Variants in PANX1 observed in about 807,000 individuals in gnomAD.
PANX1 encodes pannexin 1.
In PANX1, 30 loss-of-function variants were observed where a neutral mutation model predicts 38.7. The observed-to-expected ratio is 0.78, with a 90% CI of 0.58 to 1.05. The LOEUF is 1.05. PANX1 is among the 50% of genes least tolerant of loss of function. The pLI, the probability that PANX1 is intolerant of heterozygous loss-of-function variation, is 0.00. For synonymous variants in PANX1, 230 were observed against 212.2 expected, an observed-to-expected ratio of 1.08 and a Z score of -0.73; for missense variants, 551 against 517.2, an observed-to-expected ratio of 1.07 and a Z score of -0.63.
chr11:94,163,947 G>A (rs761639788), intron 2 of PANX1, among the ~76,000 whole-genome samples: 1 of 152,004 alleles, frequency 6.6e-6, no homozygotes, highest in Non-Finnish European at 1.5e-5. Context: ...TTTCTTCATG[G>A]TCCAATCTTG....
At chr11:94,135,243 A>G (rs1271299004) in intron 1 of PANX1, among the ~76,000 whole-genome samples, 2 of 152,236 alleles carry the variant, frequency 1.3e-5, no homozygotes, top group Non-Finnish European at 2.9e-5. Flanking sequence ...CGTTCTGGGT[A>G]GAGAAGGACT....
At chr11:94,160,696 C>A (rs547776712) in intron 2 of PANX1, among the ~76,000 whole-genome samples, 3 of 152,280 alleles carry the variant, frequency 2.0e-5, no homozygotes, top group African/African-American at 7.2e-5. Flanking sequence ...CAGTCTGTGT[C>A]TTTTAATTGG....
intron 2 of PANX1, among the ~76,000 whole-genome samples, chr11:94,161,313 A>C (rs903808743): frequency 1.3e-5 from 2 of 152,230 alleles, no homozygotes; most frequent in African/African-American, 4.8e-5. Flanking sequence ...AATATCCTGC[A>C]GAGTGTTTTC....
At chr11:94,150,895 G>T (rs1389191429) in intron 1 of PANX1, among the ~76,000 whole-genome samples, 1 of 152,116 alleles carries the variant, frequency 6.6e-6, no homozygotes, top group East Asian at 1.9e-4. Flanking sequence ...CAAAGCCCTG[G>T]TCCCCAGGAG....
chr11:94,142,186 G>A (rs185930513), intron 1 of PANX1, among the ~76,000 whole-genome samples: 175 of 152,260 alleles, frequency 1.1e-3, no homozygotes, highest in Non-Finnish European at 2.1e-3. Context: ...CGGCTCTGCT[G>A]CCCTAGGATT....
At chr11:94,158,226 T>C (rs531035965) in intron 2 of PANX1, among the ~76,000 whole-genome samples, 1 of 152,270 alleles carries the variant, frequency 6.6e-6, no homozygotes, top group African/African-American at 2.4e-5. Flanking sequence ...GACTTGGCGA[T>C]GCAGGCTCTT....
At chr11:94,138,132 G>A (rs906743625) in intron 1 of PANX1, among the ~76,000 whole-genome samples, 1 of 152,042 alleles carries the variant, frequency 6.6e-6, no homozygotes, top group Non-Finnish European at 1.5e-5. Context: ...GACTGGTGTG[G>A]TTGGGTTGCC....
At chr11:94,138,276 T>C (rs1379957319) in intron 1 of PANX1, among the ~76,000 whole-genome samples, 1 of 152,234 alleles carries the variant, frequency 6.6e-6, no homozygotes, top group Non-Finnish European at 1.5e-5. Context: ...TTAAGTCGCA[T>C]TTATTCAGTT....
In PANX1 at chr11:94,145,646, C is replaced by T. The variant is rs1030343568; in HGVS notation, c.182-7845C>T. On this transcript the variant is annotated intron_variant, in intron 1 of 4. Coordinates refer to ENST00000227638, the MANE Select transcript of PANX1 (RefSeq NM_015368.4). ...TCTCCTGAGTTATTGCAATAGATTC[C>T]TGTCTGGTCTCTGCTTCTGTTCTTG... 3.3e-5 allele frequency among the ~76,000 whole-genome samples: 5 copies of T among 152,236 alleles called. No homozygotes were observed. The East Asian group carries it at 9.6e-4, about 29-fold the overall frequency.
At chr11:94,169,958 A>T (rs781389557) in intron 2 of PANX1, among the ~76,000 whole-genome samples, 2 of 151,786 alleles carry the variant, frequency 1.3e-5, no homozygotes, top group African/African-American at 4.9e-5. Flanking sequence ...ACCAGATAGG[A>T]ATATTAGTGC....
chr11:94,160,298 C>G (rs1007246286), intron 2 of PANX1, among the ~76,000 whole-genome samples: 1 of 152,080 alleles, frequency 6.6e-6, no homozygotes, highest in Non-Finnish European at 1.5e-5. Flanking sequence ...CTTTCTGTCT[C>G]GTTGCTCTGT....
intron 2 of PANX1, among the ~76,000 whole-genome samples, chr11:94,164,959 T>C (rs1340485890): frequency 1.3e-5 from 2 of 152,236 alleles, no homozygotes; most frequent in Non-Finnish European, 1.5e-5. Context: ...AGTTTCTGTA[T>C]TGAGATTTAT....
In PANX1 at chr11:94,143,898, G is replaced by A. The variant is rs550769915; in HGVS notation, c.182-9593G>A. Among the ~76,000 whole-genome samples the A allele has an allele frequency of 1.1e-4, 17 of 152,152 alleles. No homozygotes were observed. The South Asian group carries it at 2.5e-3, about 22-fold the overall frequency. ...CATGTAGGTGGGACCACAGGCGCAC[G>A]CCACCGTGCCTAGCTAATTTTTAAA... On this transcript the variant is annotated intron_variant, in intron 1 of 4. Coordinates refer to ENST00000227638, the MANE Select transcript of PANX1 (RefSeq NM_015368.4).
rs766103221 is a variant in PANX1 at position 94,181,594 on chromosome 11, A to G, written c.*725A>G. 2 of 152,252 alleles carry G rather than the reference A, an allele frequency of 1.3e-5. No individual in the cohort carries two copies. The highest frequency in any genetic ancestry group is 2.9e-5 in the Non-Finnish European group (2 of 68,040). The allele number at this position is 152,252 out of a possible 1,614,324, so 9.4% of individuals were successfully genotyped here. On this transcript the variant is annotated 3_prime_UTR_variant, in exon 5 of 5. Coordinates refer to ENST00000227638, the MANE Select transcript of PANX1 (RefSeq NM_015368.4). The stretch of plus-strand genomic sequence containing the variant: ...CTTCAATTCAGGAAGAATGCTTCCA[A>G]AAGAGCCCAGTGGGGAAATCTGACA...
intron 1 of PANX1, among the ~76,000 whole-genome samples, chr11:94,135,991 C>G (rs1783436175): frequency 6.6e-6 from 1 of 152,172 alleles, no homozygotes; most frequent in Non-Finnish European, 1.5e-5. Flanking sequence ...TTCATCTAAG[C>G]AGTCCCCTAA....
intron 1 of PANX1, among the ~76,000 whole-genome samples, chr11:94,142,219 C>T (rs907719772): frequency 6.6e-6 from 1 of 152,170 alleles, no homozygotes; most frequent in African/African-American, 2.4e-5. Flanking sequence ...CCTTGGATTC[C>T]TGCTGGGGAG....
intron 2 of PANX1, among the ~76,000 whole-genome samples, chr11:94,162,804 G>A (rs571444333): frequency 8.8e-4 from 133 of 151,458 alleles, no homozygotes; most frequent in Non-Finnish European, 1.5e-3. Flanking sequence ...TGTCTTCTGC[G>A]TCGCTCACAC....
chr11:94,144,603 C>T (rs753225667), intron 1 of PANX1, among the ~76,000 whole-genome samples: 2 of 152,102 alleles, frequency 1.3e-5, no homozygotes, highest in African/African-American at 2.4e-5. Context: ...GCCTAGAGCT[C>T]GGGACCAGGT....
At position 94,176,872 on chromosome 11, in the gene PANX1, G is replaced by A. The variant is rs146917881; in HGVS notation, c.322-1497G>A. 6.6e-5 allele frequency among the ~76,000 whole-genome samples: 10 copies of A among 151,722 alleles called. No homozygotes were observed. In the East Asian group the frequency reaches 1.9e-3, roughly 29 times the overall value. The stretch of plus-strand genomic sequence containing the variant: ...TGATCTGGGGCCAGAAACTGCTCCC[G>A]GCTTTCTCTTCCCATTTGCAGAATG... On this transcript the variant is annotated intron_variant, in intron 2 of 4. Transcript: ENST00000227638.
Sources: allele counts gnomAD v4.1 joint callset (sites outside exome capture counted in the v4.1 genomes callset), GRCh38; gene constraint gnomAD v4.1.1; transcripts MANE v1.5; gene names NCBI Gene and HGNC (gene_info 2026-07-23, HGNC 2026-07-21).